PLXNA4: variants seen among roughly 807,000 people sequenced by gnomAD.
PLXNA4 encodes plexin A4.
Under a neutral mutation model 191.8 loss-of-function variants are expected in PLXNA4, and 44 were observed. The ratio of observed to expected loss-of-function variants is 0.23; its 90% CI spans 0.18 to 0.29. The LOEUF is 0.29. Among genes scored for constraint, PLXNA4 ranks in the 10% least tolerant of loss-of-function variants. The pLI is 1.00. For missense variants in PLXNA4, 1,800 were observed against 2,488.8 expected, an observed-to-expected ratio of 0.72 and a Z score of 5.89; for synonymous variants, 1,082 against 1,009.5, an observed-to-expected ratio of 1.07 and a Z score of -1.36.
At chr7:132,603,938 G>A (rs1208449292) in intron 2 of PLXNA4, among the ~76,000 whole-genome samples, 2 of 152,194 alleles carry the variant, frequency 1.3e-5, no homozygotes, top group Non-Finnish European at 2.9e-5. Flanking sequence ...ACTATGTATT[G>A]ATGGTGCCTT....
chr7:132,302,231 A>G (rs1396150588), intron 3 of PLXNA4, among the ~76,000 whole-genome samples: 1 of 152,186 alleles, frequency 6.6e-6, no homozygotes, highest in Non-Finnish European at 1.5e-5. Context: ...AGGAGGGAGC[A>G]GGAAAATGTG....
At chr7:132,276,881 G>A (rs765147421) in intron 4 of PLXNA4, among the ~76,000 whole-genome samples, 2 of 152,208 alleles carry the variant, frequency 1.3e-5, no homozygotes, top group Non-Finnish European at 1.5e-5. Context: ...CTGTTTTTAC[G>A]GCCAGTGGGT....
intron 5 of PLXNA4, among the ~76,000 whole-genome samples, chr7:132,234,596 T>TTTTGTGTGTGTGTG (rs1554397267): frequency 2.1e-5 from 3 of 144,158 alleles, no homozygotes; most frequent in Admixed American, 1.4e-4. Flanking sequence ...AGCATGTGTT[T>TTTTGTGTGTGTGTG]TGTGTGTGTG....
chr7:132,562,009 CCTA>C (rs1405136515), intron 1 of PLXNA4, among the ~76,000 whole-genome samples: 38 of 111,452 alleles, frequency 3.4e-4, no homozygotes, highest in Non-Finnish European at 4.5e-4. Flanking sequence ...GCCTCCTCCT[CCTA>C]CTCCTCCTCC....
rs372862449 is a variant in PLXNA4, at chr7:132,123,389, T to A, written c.*7090A>T. 4 of 152,290 alleles carry A rather than the reference T, an allele frequency of 2.6e-5. No individual in the cohort carries two copies. In the East Asian group the frequency reaches 7.7e-4, roughly 29 times the overall value. The allele number at this position is 152,290 out of a possible 1,614,324, so 9.4% of individuals were successfully genotyped here. ...ACTTTATTCTATATTACAAATAAGT[T>A]TTTTTTGTTCTGAACTGCAAAATAG... On this transcript the variant is annotated 3_prime_UTR_variant, in exon 32 of 32. Coordinates refer to ENST00000321063, the MANE Select transcript of PLXNA4 (RefSeq NM_020911.2).
Position 132,127,990 on chromosome 7 carries a change from G to GAAAAA in PLXNA4, c.*2488_*2489insTTTTT, listed in dbSNP as rs1304265710. On this transcript the variant is annotated 3_prime_UTR_variant, in exon 32 of 32. Coordinates refer to ENST00000321063, the MANE Select transcript of PLXNA4 (RefSeq NM_020911.2). The stretch of plus-strand genomic sequence containing the variant: ...TTGTTTGATTTTTTCTCTTAACTGT[G>GAAAAA]CAAAAAAAAAAAAAAAAAATCAAAA... The GAAAAA allele has an allele frequency of 1.1e-3, 18 of 16,538 alleles. No individual in the cohort carries two copies. The highest frequency in any genetic ancestry group is 3.1e-3 in the African/African-American group (17 of 5,514). The allele number at this position is 16,538 out of a possible 1,614,324, so 1.0% of individuals were successfully genotyped here.
At chr7:132,450,908 T>C (rs571573405) in intron 3 of PLXNA4, among the ~76,000 whole-genome samples, 1 of 152,272 alleles carries the variant, frequency 6.6e-6, no homozygotes, top group Admixed American at 6.5e-5. Flanking sequence ...GTTTTATGGC[T>C]CAAGGTCCTC....
chr7:132,236,984 C>T (rs1798722867), intron 5 of PLXNA4, among the ~76,000 whole-genome samples: 8 of 152,130 alleles, frequency 5.3e-5, no homozygotes, highest in Admixed American at 2.6e-4. Flanking sequence ...CTGGCTTTGA[C>T]CTGAACCTGA....
intron 2 of PLXNA4, among the ~76,000 whole-genome samples, chr7:132,635,201 T>C (rs10224767): frequency 0.015 from 1,913 of 130,950 alleles, 62 homozygotes; most frequent in Admixed American, 0.07. Flanking sequence ...TATATATATA[T>C]ACGTATCCTA....
chr7:132,210,846 C>T lies in PLXNA4; in HGVS notation c.2298+97G>A, dbSNP rs914604491. 4.6e-5 allele frequency: 63 copies of T among 1,368,228 alleles called. 1 individual carries two copies. Among genetic ancestry groups the T allele is most frequent in the East Asian group, 2.3e-4 (10 of 42,626 alleles). 84.8% of individuals were successfully genotyped at this position (1,368,228 alleles called of 1,614,324 possible). On this transcript the variant is annotated intron_variant, in intron 10 of 31. Coordinates refer to ENST00000321063, the MANE Select transcript of PLXNA4 (RefSeq NM_020911.2). ...GGCAGTTTTGTGCGTGTTGAGGAAA[C>T]GACTGCAGGGCTGAGCTGATTTGGC...
intron 30 of PLXNA4, among the ~76,000 whole-genome samples, chr7:132,138,420 C>A (rs899257818): frequency 6.6e-6 from 1 of 152,076 alleles, no homozygotes; most frequent in South Asian, 2.1e-4. Flanking sequence ...TGAGGTCTGC[C>A]CTGCCGGACT....
At chr7:132,443,830 C>T (rs923563093) in intron 3 of PLXNA4, among the ~76,000 whole-genome samples, 1 of 152,168 alleles carries the variant, frequency 6.6e-6, no homozygotes, top group African/African-American at 2.4e-5. Flanking sequence ...TCTGGCATAA[C>T]TTCTTTTCAA....
intron 2 of PLXNA4, among the ~76,000 whole-genome samples, chr7:132,583,131 G>T (rs75572802): frequency 0.031 from 4,724 of 152,258 alleles, 229 homozygotes; most frequent in African/African-American, 0.098. Context: ...CAAGAGAGAG[G>T]CAGAAAGTTG....
intron 3 of PLXNA4, among the ~76,000 whole-genome samples, chr7:132,428,103 C>G (rs966084621): frequency 6.6e-6 from 1 of 152,110 alleles, no homozygotes; most frequent in African/African-American, 2.4e-5. Flanking sequence ...ACATGGGAGG[C>G]CCCATGTACC....
intron 3 of PLXNA4, among the ~76,000 whole-genome samples, chr7:132,338,738 G>T (rs1363719183): frequency 6.6e-6 from 1 of 152,066 alleles, no homozygotes; most frequent in African/African-American, 2.4e-5. Context: ...TGGTCTGTGG[G>T]GATGCAGCAC....
At chr7:132,629,186 A>C (rs1803443820) in intron 2 of PLXNA4, among the ~76,000 whole-genome samples, 1 of 152,194 alleles carries the variant, frequency 6.6e-6, no homozygotes, top group Admixed American at 6.5e-5. Context: ...AGATAAACCT[A>C]ACTACCAGCA....
In PLXNA4 at chr7:132,130,506, G is replaced by C; in HGVS notation, c.5658C>G (p.Val1886=). 3 of 1,614,150 alleles carry C rather than the reference G, an allele frequency of 1.9e-6. No homozygotes were observed. The highest frequency in any genetic ancestry group is 2.5e-6 in the Non-Finnish European group (3 of 1,180,018). The change falls in exon 32 of 32, where the codon GTC becomes GTG. Residue 1886 remains valine, a synonymous_variant. Coordinates refer to ENST00000321063, the MANE Select transcript of PLXNA4 (RefSeq NM_020911.2). ...KQKLAYKLEQ[V]ITLMSLDS is the part of the protein sequence containing the mutation. ...AGCTGTCTAAGCTCATGAGGGTTATGACTTGTTCTAGTTTGTAGGCCAGTT... is the reference window on the plus strand; with the variant it reads ...AGCTGTCTAAGCTCATGAGGGTTATCACTTGTTCTAGTTTGTAGGCCAGTT...
At chr7:132,584,894 A>C (rs1170158213) in intron 2 of PLXNA4, among the ~76,000 whole-genome samples, 1 of 151,906 alleles carries the variant, frequency 6.6e-6, no homozygotes, top group Non-Finnish European at 1.5e-5. Flanking sequence ...TCCTCTGCTC[A>C]CTCTCTCTTC....
chr7:132,372,041 C>T (rs1804462631), intron 3 of PLXNA4, among the ~76,000 whole-genome samples: 1 of 152,162 alleles, frequency 6.6e-6, no homozygotes, highest in African/African-American at 2.4e-5. Flanking sequence ...TTATTTTTGT[C>T]CCAGCCTGGC....
Sources: allele counts gnomAD v4.1 joint callset (sites outside exome capture counted in the v4.1 genomes callset), GRCh38; gene constraint gnomAD v4.1.1; transcripts MANE v1.5; gene names NCBI Gene and HGNC (gene_info 2026-07-23, HGNC 2026-07-21).